The following ZMYM6 variants were observed in gnomAD, a reference collection of about 807,000 sequenced individuals.
ZMYM6 encodes the protein zinc finger MYM-type containing 6, also known as zinc finger MYM-type protein 6.
Under a neutral mutation model 134.0 loss-of-function variants are expected in ZMYM6, and 90 were observed. The observed-to-expected ratio is 0.67, with a 90% CI of 0.57 to 0.80. ZMYM6 has a LOEUF of 0.80. Among genes scored for constraint, ZMYM6 ranks in the 30% least tolerant of loss-of-function variants. The probability of loss-of-function intolerance (pLI) is 0.00; values close to 1 mark genes in which losing one functional copy is unlikely to be tolerated. For missense variants in ZMYM6, 1,362 were observed against 1,533.9 expected (o/e 0.89, Z 1.87); for synonymous variants, 481 against 524.1 (o/e 0.92, Z 1.12).
In ZMYM6 at chr1:35,007,091, T is replaced by G; in HGVS notation, c.1673A>C (p.Lys558Thr). Residue 558 changes from lysine (K) to threonine (T), a missense_variant, in exon 12 of 16, where the codon AAG becomes ACG. Physicochemically the swap from Lys to Thr is moderately conservative, Grantham distance 78. Around this residue, in one of 3 missense-constraint regions of ZMYM6, gnomAD observed 824 missense variants for 940.9 expected, o/e 0.88. Transcript: ENST00000357182. The stretch of plus-strand genomic sequence containing the variant: ...ACCCTGTCGTTTACAACCATCACAC[T>G]TGGCCATCTGAAAAAGAAATGTTAG... Reference protein sequence around the residue: ...KFTVLFYQMAKCDGCKRQGKL... With the variant: ...KFTVLFYQMATCDGCKRQGKL... 1.3e-6 allele frequency: 2 copies of G among 1,584,062 alleles called. No homozygotes were observed. The highest frequency in any genetic ancestry group is 1.7e-6 in the Non-Finnish European group (2 of 1,166,348).
intron 4 of ZMYM6, among the ~76,000 whole-genome samples, chr1:35,015,819 C>A (rs1223560766): frequency 6.7e-6 from 1 of 149,938 alleles, no homozygotes; most frequent in Non-Finnish European, 1.5e-5. Context: ...AACCAAGTTT[C>A]ATCTGCTATA....
At chr1:35,012,340 T>C (rs1017297033) in intron 7 of ZMYM6, 91 bp downstream of exon 7, 60 of 1,167,712 alleles carry the variant, frequency 5.1e-5, no homozygotes, top group Admixed American at 4.2e-4. Flanking sequence ...ACTAAATAGA[T>C]AAATTTAGCT....
chr1:35,007,045 C>G lies in ZMYM6; in HGVS notation c.1719G>C (p.Lys573Asn), dbSNP rs1376441598. The change falls in exon 12 of 16, where the codon AAG (lysine) becomes AAC (asparagine). Residue 573 changes from lysine (K) to asparagine (N), a missense_variant. This residue lies in a region of ZMYM6 where 824 missense variants were observed against 940.9 expected (regional missense o/e 0.88). Transcript: ENST00000357182. Reference sequence around the variant, plus strand: ...AGAAATGTTTAATGTTGCCTCGCCACTTTATGGACTCGCTTAGTTTACCCT... The same window carrying G: ...AGAAATGTTTAATGTTGCCTCGCCAGTTTATGGACTCGCTTAGTTTACCCT... ...KRQGKLSESIKWRGNIKHFCN... is the reference protein window; with the variant it reads ...KRQGKLSESINWRGNIKHFCN... 2 of 1,611,196 alleles carry G rather than the reference C, an allele frequency of 1.2e-6. No homozygotes were observed. Among genetic ancestry groups the G allele is most frequent in the Non-Finnish European group, 1.7e-6 (2 of 1,178,732 alleles).
chr1:35,006,673 G>A (rs1047611891), intron 12 of ZMYM6, among the ~76,000 whole-genome samples: 6 of 152,086 alleles, frequency 3.9e-5, no homozygotes, highest in African/African-American at 1.4e-4. Context: ...TTTATGTACA[G>A]ATACATTCAA....
chr1:34,994,644 A>C (rs1437472469), intron 14 of ZMYM6, among the ~76,000 whole-genome samples: 1 of 152,170 alleles, frequency 6.6e-6, no homozygotes, highest in African/African-American at 2.4e-5. Context: ...ATTTAAATTT[A>C]ATTTAAACAA....
intron 4 of ZMYM6, 121 bp from the exon 5 acceptor site, chr1:35,015,283 G>C (rs1044881216): frequency 2.1e-6 from 2 of 964,772 alleles, no homozygotes; most frequent in East Asian, 2.7e-5. Context: ...AAAGGATAAG[G>C]AATCTGCAAA....
chr1:35,019,572 G>A lies in ZMYM6; in HGVS notation c.209C>T (p.Ser70Phe), dbSNP rs1641267650. 6.2e-7 allele frequency: 1 copy of A among 1,601,616 alleles called. No homozygotes were observed. The highest frequency in any genetic ancestry group is 8.5e-7 in the Non-Finnish European group (1 of 1,177,028). ...CACACTTGGGCCAGATGATGCAAAAGAAAGCTGAAAGCCTGGGTTCAACTG... is the reference window on the plus strand; with the variant it reads ...CACACTTGGGCCAGATGATGCAAAAAAAAGCTGAAAGCCTGGGTTCAACTG... ...AQQLNPGFQL[S>F]FASSGPSVLL... Residue 70 changes from serine to phenylalanine, a missense_variant, in exon 4 of 16, where the codon TCT (serine) becomes TTT (phenylalanine). Around this residue, in one of 3 missense-constraint regions of ZMYM6, gnomAD observed 503 missense variants for 520.8 expected, o/e 0.97. Coordinates refer to ENST00000357182, the MANE Select transcript of ZMYM6 (RefSeq NM_007167.4).
chr1:34,987,073 T>C lies in ZMYM6; in HGVS notation c.*31A>G, dbSNP rs768679914. 2.5e-5 allele frequency: 36 copies of C among 1,414,480 alleles called. No homozygotes were observed. In the Middle Eastern group the frequency reaches 1.3e-3, roughly 51 times the overall value. 87.6% of individuals were successfully genotyped at this position (1,414,480 alleles called of 1,614,324 possible). On this transcript the variant is annotated 3_prime_UTR_variant, in exon 16 of 16. Coordinates refer to ENST00000357182, the MANE Select transcript of ZMYM6 (RefSeq NM_007167.4). ...TTATACAAAACTTAACACAGGATTA[T>C]TGACTTCACTGTTAAGCAATGTGCA...
At chr1:35,023,885 G>A (rs1641358001) in intron 2 of ZMYM6, among the ~76,000 whole-genome samples, 1 of 152,108 alleles carries the variant, frequency 6.6e-6, no homozygotes, top group African/African-American at 2.4e-5. Flanking sequence ...GCCTCCCAAA[G>A]TGCTGGGATT....
rs1640943102 is a variant in ZMYM6, at chr1:35,005,118, A to C, written c.1954+14T>G. On this transcript the variant is annotated intron_variant, in intron 13 of 15. Transcript: ENST00000357182. ...TTCTATGGCTTAGCCAAATGCCATT[A>C]TATCAAGTCATACCTTTTAAAACAC... 6.2e-7 allele frequency: 1 copy of C among 1,613,624 alleles called. No homozygotes were observed. The highest frequency in any genetic ancestry group is 8.5e-7 in the Non-Finnish European group (1 of 1,179,812).
In ZMYM6 at chr1:34,988,267, T is replaced by C; in HGVS notation, c.2815A>G (p.Lys939Glu). The change falls in exon 16 of 16, where the codon AAA becomes GAA. Residue 939 changes from lysine to glutamate, a missense_variant. Physicochemically the swap from Lys to Glu is moderately conservative, Grantham distance 56. Transcript: ENST00000357182. ...RFIDYDCRDV[K>E]EELLFCIEMP... is the part of the protein sequence containing the mutation. ...TCAATGCAAAATAATAATTCTTCTTTTACATCACGACAATCATAATCAATG... is the reference window on the plus strand; with the variant it reads ...TCAATGCAAAATAATAATTCTTCTTCTACATCACGACAATCATAATCAATG... 1 of 1,550,494 alleles carries C rather than the reference T, an allele frequency of 6.4e-7. No individual in the cohort carries two copies. The highest frequency in any genetic ancestry group is 1.2e-5 in the South Asian group (1 of 83,796).
At position 34,988,221 on chromosome 1, in the gene ZMYM6, C is replaced by A. The variant is rs943886127; in HGVS notation, c.2861G>T (p.Gly954Val). ...ATTTATTAGTTCAAATATTTCAAAGCCAGTTATTTGAGTAGGCATTTCAAT... is the reference window on the plus strand; with the variant it reads ...ATTTATTAGTTCAAATATTTCAAAGACAGTTATTTGAGTAGGCATTTCAAT... ...FCIEMPTQIT[G>V]FEIFELINKY... Residue 954 changes from glycine to valine, a missense_variant, in exon 16 of 16, where the codon GGC (glycine) becomes GTC (valine). Transcript: ENST00000357182. The A allele has an allele frequency of 3.9e-6, 6 of 1,548,314 alleles. No homozygotes were observed. Among genetic ancestry groups the A allele is most frequent in the Admixed American group, 3.9e-5 (2 of 50,662 alleles).
intron 15 of ZMYM6, chr1:34,989,428 A>G (rs973508096): frequency 1.3e-5 from 2 of 155,978 alleles, no homozygotes; most frequent in African/African-American, 4.1e-5. Context: ...AATGGCACAC[A>G]CCTATAGTCC....
At chr1:35,026,116 G>A (rs1392297996) in intron 2 of ZMYM6, among the ~76,000 whole-genome samples, 1 of 152,100 alleles carries the variant, frequency 6.6e-6, no homozygotes, top group Non-Finnish European at 1.5e-5. Flanking sequence ...CGCCTCCCAG[G>A]TTCAAGTGAT....
chr1:35,007,005 C>T lies in ZMYM6; in HGVS notation c.1759G>A (p.Val587Ile), dbSNP rs1640992157. 1 of 1,612,936 alleles carries T rather than the reference C, an allele frequency of 6.2e-7. No homozygotes were observed. Among genetic ancestry groups the T allele is most frequent in the Admixed American group, 1.7e-5 (1 of 59,798 alleles). ...NIKHFCNLFC[V>I]LEFCHQQIMN... ...ATTTGCTGATGACAAAACTCCAAGA[C>T]ACAAAATAGGTTACAGAAATGTTTA... The change falls in exon 12 of 16, where the codon GTC (valine) becomes ATC (isoleucine). Residue 587 changes from valine (V) to isoleucine (I), a missense_variant. Physicochemically the swap from Val to Ile is conservative, Grantham distance 29 (BLOSUM62 3). This residue lies in a region of ZMYM6 where 824 missense variants were observed against 940.9 expected (regional missense o/e 0.88). Transcript: ENST00000357182.
At position 35,030,682 on chromosome 1, in the gene ZMYM6, A is replaced by G; in HGVS notation, c.-43T>C. ...AAGAGTGTCTCAGGCTCAAACGAAT[A>G]GATTTCTTCTTGGTAATGGATAGTT... On this transcript the variant is annotated 5_prime_UTR_variant, in exon 2 of 16. Transcript: ENST00000357182. 1.3e-6 allele frequency: 2 copies of G among 1,570,908 alleles called. No individual in the cohort carries two copies. The highest frequency in any genetic ancestry group is 1.7e-6 in the Non-Finnish European group (2 of 1,150,898).
intron 14 of ZMYM6, among the ~76,000 whole-genome samples, chr1:34,997,887 T>C (rs1020939163): frequency 1.3e-5 from 2 of 152,200 alleles, no homozygotes; most frequent in African/African-American, 2.4e-5. Context: ...TTTTCTTCCA[T>C]ATGTCTACTC....
intron 15 of ZMYM6, among the ~76,000 whole-genome samples, chr1:34,991,019 C>T (rs1640663819): frequency 6.6e-6 from 1 of 152,174 alleles, no homozygotes; most frequent in Non-Finnish European, 1.5e-5. Context: ...CCTGTGCCAC[C>T]ATGCCCAGCT....
intron 10 of ZMYM6, among the ~76,000 whole-genome samples, chr1:35,009,156 T>C (rs1364965452): frequency 6.6e-6 from 1 of 152,226 alleles, no homozygotes; most frequent in Non-Finnish European, 1.5e-5. Context: ...TGGAGTGCAG[T>C]GGCACAATCT....
Sources: allele counts gnomAD v4.1 joint callset (sites outside exome capture counted in the v4.1 genomes callset), GRCh38; gene constraint gnomAD v4.1.1; regional missense constraint gnomAD v4.1.1; transcripts MANE v1.5; gene names NCBI Gene and HGNC (gene_info 2026-07-23, HGNC 2026-07-21).